Variants in MAF observed in about 807,000 individuals in gnomAD.
MAF encodes the protein MAF bZIP transcription factor.
In MAF, 10 loss-of-function variants were observed where a neutral mutation model predicts 22.0. The ratio of observed to expected loss-of-function variants is 0.45; its 90% confidence interval spans 0.28 to 0.77. MAF has a LOEUF of 0.77. Ranked by LOEUF, MAF falls within the 30% of genes least tolerant of loss-of-function variation. The pLI, the probability that MAF is intolerant of heterozygous loss-of-function variation, is 0.12. For synonymous variants in MAF, 337 were observed against 255.8 expected, an observed-to-expected ratio of 1.32 and a Z score of -3.03; for missense variants, 544 against 548.4, an observed-to-expected ratio of 0.99 and a Z score of 0.08.
At chr16:79,450,411 G>A in the MAF span, among the ~76,000 whole-genome samples, 7,786 of 152,268 alleles carry the variant, frequency 0.051, 280 homozygotes, top group Non-Finnish European at 0.072. Flanking sequence ...AGAATTCCAA[G>A]TGTTAGACAA....
chr16:79,576,389 C>G, the MAF span, among the ~76,000 whole-genome samples: 2 of 152,122 alleles, frequency 1.3e-5, no homozygotes, highest in African/African-American at 4.8e-5. Context: ...CTGAGCTGGT[C>G]CTTCCCCACG....
the MAF span, among the ~76,000 whole-genome samples, chr16:79,271,379 T>C: frequency 2.0e-5 from 3 of 152,268 alleles, no homozygotes; most frequent in East Asian, 5.8e-4. Context: ...TTAAATCTCA[T>C]AATACAAATA....
the MAF span, among the ~76,000 whole-genome samples, chr16:79,230,695 G>C: frequency 6.6e-6 from 1 of 152,044 alleles, no homozygotes; most frequent in African/African-American, 2.4e-5. Context: ...TTGATGCATA[G>C]GCTTGCTACC....
chr16:79,558,211 G>A, the MAF span, among the ~76,000 whole-genome samples: 1 of 152,130 alleles, frequency 6.6e-6, no homozygotes, highest in Non-Finnish European at 1.5e-5. Context: ...GCCGGAAAGA[G>A]TGTGAAAGAG....
the MAF span, among the ~76,000 whole-genome samples, chr16:79,475,947 A>T: frequency 2.0e-5 from 3 of 152,152 alleles, no homozygotes; most frequent in Non-Finnish European, 4.4e-5. Flanking sequence ...ATTATGTTAC[A>T]TTAGATAGAA....
the MAF span, among the ~76,000 whole-genome samples, chr16:79,350,820 A>G: frequency 6.6e-6 from 1 of 151,596 alleles, no homozygotes; most frequent in Non-Finnish European, 1.5e-5. Context: ...AGCTCCTGGA[A>G]TGTCAGAGTT....
At chr16:79,418,945 C>G in the MAF span, among the ~76,000 whole-genome samples, 29,138 of 151,982 alleles carry the variant, frequency 0.19, 3,113 homozygotes, top group African/African-American at 0.3. Flanking sequence ...CCTGTGGTAC[C>G]AGCAGCAACA....
the MAF span, among the ~76,000 whole-genome samples, chr16:79,294,808 A>C: frequency 6.6e-6 from 1 of 152,172 alleles, no homozygotes; most frequent in Non-Finnish European, 1.5e-5. Context: ...ACCTCAACCG[A>C]GTAAGGGATC....
At chr16:79,539,914 T>G in the MAF span, among the ~76,000 whole-genome samples, 6 of 151,988 alleles carry the variant, frequency 3.9e-5, no homozygotes, top group Non-Finnish European at 1.5e-5. Context: ...AAATTATGAG[T>G]GATTTTTAGC....
chr16:79,542,912 T>C, the MAF span, among the ~76,000 whole-genome samples: 9 of 152,236 alleles, frequency 5.9e-5, no homozygotes, highest in African/African-American at 2.2e-4. Context: ...AGCTAGCACA[T>C]CTGACCTATA....
the MAF span, among the ~76,000 whole-genome samples, chr16:79,276,351 C>A: frequency 6.6e-6 from 1 of 152,072 alleles, no homozygotes; most frequent in Non-Finnish European, 1.5e-5. Flanking sequence ...ACAGATTTGT[C>A]ATCCAAGAAA....
chr16:79,545,812 C>T, the MAF span, among the ~76,000 whole-genome samples: 1 of 151,900 alleles, frequency 6.6e-6, no homozygotes, highest in South Asian at 2.1e-4. Context: ...GGAATAAGTC[C>T]AAGAAATTCA....
chr16:79,333,022 G>T, the MAF span, among the ~76,000 whole-genome samples: 5 of 152,248 alleles, frequency 3.3e-5, no homozygotes, highest in African/African-American at 9.6e-5. Context: ...CACAGCAGGT[G>T]CTCCCCCAGT....
At chr16:79,472,980 T>C in the MAF span, among the ~76,000 whole-genome samples, 2 of 152,008 alleles carry the variant, frequency 1.3e-5, no homozygotes, top group Non-Finnish European at 2.9e-5. Flanking sequence ...CACAATTCTG[T>C]CCTATGGAGC....
the MAF span, among the ~76,000 whole-genome samples, chr16:79,214,702 G>GTTT: frequency 4.4e-5 from 4 of 91,488 alleles, no homozygotes; most frequent in African/African-American, 1.5e-4. Flanking sequence ...ACTGTGCCTG[G>GTTT]CTTTTTTTTT....
At chr16:79,441,137 C>A in the MAF span, among the ~76,000 whole-genome samples, 1 of 152,168 alleles carries the variant, frequency 6.6e-6, no homozygotes, top group Non-Finnish European at 1.5e-5. Context: ...TGTTTTTATT[C>A]CCCATCTTGA....
the MAF span, among the ~76,000 whole-genome samples, chr16:79,334,855 GTGTGTGTA>G: frequency 1.0e-4 from 10 of 98,472 alleles, no homozygotes; most frequent in East Asian, 3.1e-4. Flanking sequence ...GTGTGTGTGT[GTGTGTGTA>G]TGTGTGTGTG....
chr16:79,552,123 C>T, the MAF span, among the ~76,000 whole-genome samples: 16 of 152,260 alleles, frequency 1.1e-4, no homozygotes, highest in East Asian at 3.9e-4. Context: ...CATTCTGTGG[C>T]ACCCTTCTCT....
At chr16:79,401,811 G>A in the MAF span, among the ~76,000 whole-genome samples, 2 of 152,218 alleles carry the variant, frequency 1.3e-5, no homozygotes, top group African/African-American at 2.4e-5. Context: ...TGAGATGACA[G>A]CTGTGAGATG....
Sources: allele counts gnomAD v4.1 joint callset (sites outside exome capture counted in the v4.1 genomes callset), GRCh38; gene constraint gnomAD v4.1.1; transcripts MANE v1.5; gene names NCBI Gene and HGNC (gene_info 2026-07-23, HGNC 2026-07-21).